The following C13orf42 variants were observed in gnomAD, a reference collection of about 807,000 sequenced individuals.
The protein encoded by C13orf42 is chromosome 13 open reading frame 42.
intron 1 of C13orf42, among the ~76,000 whole-genome samples, chr13:51,135,121 A>G (rs1953647769): frequency 6.6e-6 from 1 of 152,168 alleles, no homozygotes; most frequent in Admixed American, 6.5e-5. Context: ...CTGGAGCTGC[A>G]CCTGTGGCTG....
At chr13:51,099,347 T>C (rs1424746871) in intron 1 of C13orf42, among the ~76,000 whole-genome samples, 1 of 152,138 alleles carries the variant, frequency 6.6e-6, no homozygotes, top group Non-Finnish European at 1.5e-5. Context: ...TAGGCACACA[T>C]AGCCACATAC....
chr13:51,104,743 GT>G (rs1367373612), intron 1 of C13orf42, among the ~76,000 whole-genome samples: 5 of 147,160 alleles, frequency 3.4e-5, no homozygotes, highest in African/African-American at 1.3e-4. Context: ...GAAAGAGTGA[GT>G]TTTATGTATG....
intron 1 of C13orf42, among the ~76,000 whole-genome samples, chr13:51,153,621 GTTTTTTTTCTTTTTTTTTTTT>G (rs1953800285): frequency 3.7e-5 from 3 of 82,038 alleles, no homozygotes; most frequent in East Asian, 3.4e-4. Context: ...CTTGCTTTCT[GTTTTTTTTCTTTTTTTTTTTT>G]TTTTTTTTTT....
chr13:51,162,687 G>A lies in C13orf42; in HGVS notation n.136+9566C>T, dbSNP rs61958501. Among the ~76,000 whole-genome samples, 360 of 152,278 alleles carry A rather than the reference G, an allele frequency of 2.4e-3. 1 individual carries two copies. The highest frequency in any genetic ancestry group is 4.1e-3 in the Non-Finnish European group (278 of 68,032). ...AGAGGATTTGCTCTGTCCTCTGGAAGCTGGCAAAGAAGGAGATCACCTAAA... is the reference window on the plus strand; with the variant it reads ...AGAGGATTTGCTCTGTCCTCTGGAAACTGGCAAAGAAGGAGATCACCTAAA... On this transcript the variant is annotated intron_variant and non_coding_transcript_variant, in intron 1 of 4. Transcript: ENST00000433280.
At chr13:51,167,228 A>T (rs1482680761) in intron 1 of C13orf42, among the ~76,000 whole-genome samples, 1 of 152,218 alleles carries the variant, frequency 6.6e-6, no homozygotes, top group African/African-American at 2.4e-5. Context: ...CAAAGGAAGC[A>T]CAAACACATA....
intron 1 of C13orf42, among the ~76,000 whole-genome samples, chr13:51,095,374 G>A (rs893455729): frequency 6.6e-6 from 1 of 152,016 alleles, no homozygotes; most frequent in African/African-American, 2.4e-5. Context: ...TTTAGTATAT[G>A]TCATTAATTT....
intron 1 of C13orf42, among the ~76,000 whole-genome samples, chr13:51,109,479 G>A (rs887217885): frequency 6.6e-6 from 1 of 152,056 alleles, no homozygotes; most frequent in Non-Finnish European, 1.5e-5. Flanking sequence ...TGAGTTTGGC[G>A]ACTCATACCT....
intron 1 of C13orf42, among the ~76,000 whole-genome samples, chr13:51,169,664 C>CCCCGAATCCTGGCTGA (rs1953931030): frequency 6.6e-6 from 1 of 152,234 alleles, no homozygotes; most frequent in Non-Finnish European, 1.5e-5. Context: ...ATCCTGGCTG[C>CCCCGAATCCTGGCTGA]CCCAGCTCCA....
intron 2 of C13orf42, among the ~76,000 whole-genome samples, chr13:51,086,855 G>A (rs1953133181): frequency 6.6e-6 from 1 of 152,134 alleles, no homozygotes; most frequent in African/African-American, 2.4e-5. Flanking sequence ...GCGTGGGAGA[G>A]GAGGAGGATA....
At chr13:51,123,396 A>G (rs1441352682) in intron 1 of C13orf42, among the ~76,000 whole-genome samples, 1 of 152,232 alleles carries the variant, frequency 6.6e-6, no homozygotes, top group Non-Finnish European at 1.5e-5. Flanking sequence ...TGAATCATGG[A>G]TCATTCCTAA....
chr13:51,156,307 A>G (rs1953823938), intron 1 of C13orf42, among the ~76,000 whole-genome samples: 1 of 152,222 alleles, frequency 6.6e-6, no homozygotes, highest in Non-Finnish European at 1.5e-5. Context: ...TCAACAGAGT[A>G]ATCGGTAACA....
At chr13:51,163,693 A>C (rs931284922) in intron 1 of C13orf42, among the ~76,000 whole-genome samples, 3 of 152,068 alleles carry the variant, frequency 2.0e-5, no homozygotes, top group Admixed American at 6.6e-5. Flanking sequence ...ATAAGGAGTG[A>C]ATCTCCAGGC....
chr13:51,113,037 G>A (rs1272494033), upstream of C13orf42, among the ~76,000 whole-genome samples: 2 of 152,200 alleles, frequency 1.3e-5, no homozygotes, highest in Non-Finnish European at 2.9e-5. Context: ...GCTTGTGCCT[G>A]TGGGTTTACA....
At chr13:51,171,143 T>C (rs955784427) in intron 1 of C13orf42, among the ~76,000 whole-genome samples, 1 of 151,994 alleles carries the variant, frequency 6.6e-6, no homozygotes, top group Admixed American at 6.6e-5. Context: ...CACCCTCCAT[T>C]CCTCCTTCTC....
At chr13:51,089,343 G>C (rs980920880) in intron 1 of C13orf42, among the ~76,000 whole-genome samples, 5 of 152,118 alleles carry the variant, frequency 3.3e-5, no homozygotes, top group Non-Finnish European at 4.4e-5. Flanking sequence ...TATACACCTT[G>C]ATATGATTTG....
rs991229878 is a variant in C13orf42 at position 51,111,269 on chromosome 13, A to G, written c.-60T>C. 5.0e-6 allele frequency: 2 copies of G among 398,126 alleles called. No individual in the cohort carries two copies. Among genetic ancestry groups the G allele is most frequent in the Non-Finnish European group, 8.8e-6 (2 of 226,054 alleles). The allele number at this position is 398,126 out of a possible 1,614,324, so 24.7% of individuals were successfully genotyped here. A position where few individuals can be genotyped will look rare whatever the true frequency, so the allele number is the denominator to read the frequency against. On this transcript the variant is annotated 5_prime_UTR_variant, in exon 1 of 4. Transcript: ENST00000563710. The stretch of plus-strand genomic sequence containing the variant: ...TGCCTGTGCTGCCGCCACTTGATCT[A>G]GATGCGGGGAGAGAAGCCGACATCC...
intron 1 of C13orf42, among the ~76,000 whole-genome samples, chr13:51,108,759 A>C (rs747684341): frequency 6.6e-6 from 1 of 152,152 alleles, no homozygotes; most frequent in Non-Finnish European, 1.5e-5. Context: ...GCAGAACTAA[A>C]ATTCAAATCT....
intron 1 of C13orf42, among the ~76,000 whole-genome samples, chr13:51,160,570 C>G (rs1263605039): frequency 1.3e-5 from 2 of 151,978 alleles, no homozygotes; most frequent in Non-Finnish European, 2.9e-5. Flanking sequence ...TTATGGTACA[C>G]AAAAGATGAG....
intron 1 of C13orf42, among the ~76,000 whole-genome samples, chr13:51,122,643 A>T (rs12184541): frequency 6.6e-6 from 1 of 151,992 alleles, no homozygotes; most frequent in East Asian, 1.9e-4. Flanking sequence ...ATAAAGTGCT[A>T]GCTCAGCTGT....
Sources: allele counts gnomAD v4.1 joint callset (sites outside exome capture counted in the v4.1 genomes callset), GRCh38; gene constraint gnomAD v4.1.1; transcripts MANE v1.5; gene names NCBI Gene and HGNC (gene_info 2026-07-23, HGNC 2026-07-21).